Variants in ADAMTS3 observed in about 807,000 individuals in gnomAD.
The protein encoded by ADAMTS3 is A disintegrin and metalloproteinase with thrombospondin motifs 3.
A neutral mutation model predicts 129.0 loss-of-function variants in ADAMTS3; 73 were observed. The observed-to-expected ratio is 0.57, with a 90% CI of 0.47 to 0.69. ADAMTS3 has a LOEUF of 0.69. Ranked by LOEUF, ADAMTS3 falls within the 30% of genes least tolerant of loss-of-function variation. The pLI, the probability that ADAMTS3 is intolerant of heterozygous loss-of-function variation, is 0.00. For missense variants in ADAMTS3, 1,457 were observed against 1,514.5 expected (o/e 0.96, Z 0.63); for synonymous variants, 477 against 510.8 (o/e 0.93, Z 0.89).
At chr4:72,526,358 G>T (rs1279687205) in intron 3 of ADAMTS3, among the ~76,000 whole-genome samples, 2 of 151,852 alleles carry the variant, frequency 1.3e-5, no homozygotes, top group Admixed American at 6.6e-5. Flanking sequence ...CTAAAGTTAG[G>T]GTACCCAAAT....
At position 72,283,088 on chromosome 4, in the gene ADAMTS3, A is replaced by T. The variant is rs944343411; in HGVS notation, c.*48T>A. 6.8e-7 allele frequency: 1 copy of T among 1,471,366 alleles called. No homozygotes were observed. The highest frequency in any genetic ancestry group is 9.3e-7 in the Non-Finnish European group (1 of 1,079,102). The allele number at this position is 1,471,366 out of a possible 1,614,324, so 91.1% of individuals were successfully genotyped here. ...AAGCATATGCACCATGGGAAGAGAGAGGTTGTCCAGGTTTTCCTCTGGTTT... is the reference window on the plus strand; with the variant it reads ...AAGCATATGCACCATGGGAAGAGAGTGGTTGTCCAGGTTTTCCTCTGGTTT... On this transcript the variant is annotated 3_prime_UTR_variant, in exon 22 of 22. Transcript: ENST00000286657.
chr4:72,428,112 T>C (rs1489188856), intron 3 of ADAMTS3, among the ~76,000 whole-genome samples: 1 of 151,916 alleles, frequency 6.6e-6, no homozygotes, highest in Non-Finnish European at 1.5e-5. Flanking sequence ...GGGGAAAGGA[T>C]GGGGACACAA....
At chr4:72,530,460 TA>T (rs1368433208) in intron 3 of ADAMTS3, among the ~76,000 whole-genome samples, 5 of 31,582 alleles carry the variant, frequency 1.6e-4, no homozygotes, top group Non-Finnish European at 2.0e-4. Context: ...TATTATATAT[TA>T]AATATATTAA....
At chr4:72,361,675 G>A (rs1390510560) in intron 4 of ADAMTS3, among the ~76,000 whole-genome samples, 2 of 151,894 alleles carry the variant, frequency 1.3e-5, no homozygotes, top group Admixed American at 1.3e-4. Flanking sequence ...TTCCAATCCT[G>A]CAACTTTAGT....
At chr4:72,318,452 A>G (rs1000023468) in intron 10 of ADAMTS3, 120 bp downstream of exon 10, 9 of 1,069,716 alleles carry the variant, frequency 8.4e-6, no homozygotes, top group Non-Finnish European at 1.2e-5. Context: ...AACACAATGA[A>G]CACAAAATAA....
chr4:72,422,971 G>A (rs1266795934), intron 3 of ADAMTS3, among the ~76,000 whole-genome samples: 1 of 152,092 alleles, frequency 6.6e-6, no homozygotes, highest in Non-Finnish European at 1.5e-5. Context: ...ACAAAAATTA[G>A]TCTAAGTGAC....
At chr4:72,533,554 T>TA (rs1462961366) in intron 3 of ADAMTS3, among the ~76,000 whole-genome samples, 1 of 152,134 alleles carries the variant, frequency 6.6e-6, no homozygotes, top group Non-Finnish European at 1.5e-5. Flanking sequence ...TTGCAGGTGC[T>TA]ATACTTTTGA....
chr4:72,297,801 T>C (rs1718846405), intron 18 of ADAMTS3, among the ~76,000 whole-genome samples: 1 of 152,146 alleles, frequency 6.6e-6, no homozygotes, highest in South Asian at 2.1e-4. Context: ...ATTGTGAGTA[T>C]TCATGCATTG....
chr4:72,338,339 C>T (rs1720042760), intron 5 of ADAMTS3, among the ~76,000 whole-genome samples: 3 of 152,042 alleles, frequency 2.0e-5, no homozygotes, highest in Admixed American at 2.0e-4. Context: ...ATTGCCAAGG[C>T]TAGTAATTTG....
At chr4:72,399,776 C>T (rs1227081120) in intron 4 of ADAMTS3, among the ~76,000 whole-genome samples, 4 of 149,662 alleles carry the variant, frequency 2.7e-5, no homozygotes, top group South Asian at 2.1e-4. Flanking sequence ...TATACACACA[C>T]GGTGTGTACG....
intron 4 of ADAMTS3, among the ~76,000 whole-genome samples, chr4:72,371,499 T>C (rs1721004348): frequency 6.6e-6 from 1 of 151,602 alleles, no homozygotes; most frequent in South Asian, 2.1e-4. Flanking sequence ...TATAACAATA[T>C]TAGATAAGCT....
intron 5 of ADAMTS3, among the ~76,000 whole-genome samples, chr4:72,334,484 T>C (rs1719939871): frequency 6.6e-6 from 1 of 152,150 alleles, no homozygotes; most frequent in African/African-American, 2.4e-5. Flanking sequence ...AGAGGACTGC[T>C]CCTGTTGAGG....
At position 72,549,978 on chromosome 4, in the gene ADAMTS3, A is replaced by G. The variant is rs1359375111; in HGVS notation, c.98-1094T>C. Reference sequence around the variant, plus strand: ...AAAAAAAAAAAAGAAGAAGAAGAAGAAGAAGAAGAAGAAGAGGAAGAGGAA... The same window carrying G: ...AAAAAAAAAAAAGAAGAAGAAGAAGGAGAAGAAGAAGAAGAGGAAGAGGAA... On this transcript the variant is annotated intron_variant, in intron 2 of 21. Coordinates refer to ENST00000286657, the MANE Select transcript of ADAMTS3 (RefSeq NM_014243.3). Among the ~76,000 whole-genome samples, 4 of 29,264 alleles carry G rather than the reference A, an allele frequency of 1.4e-4. No homozygotes were observed. In the East Asian group the frequency reaches 2.4e-3, roughly 18 times the overall value. 19.2% of individuals were successfully genotyped at this position (29,264 alleles called of 152,430 possible). A position where few individuals can be genotyped will look rare whatever the true frequency, so the allele number is the denominator to read the frequency against.
chr4:72,514,575 C>G lies in ADAMTS3; in HGVS notation c.504+33903G>C, dbSNP rs1293155854. 2.0e-5 allele frequency among the ~76,000 whole-genome samples: 3 copies of G among 152,102 alleles called. No individual in the cohort carries two copies. In the East Asian group the frequency reaches 5.8e-4, roughly 29 times the overall value. Reference sequence around the variant, plus strand: ...CTCTGAGCTCACTCAGCCCATCTACCAGCTTTGCCACGTACCTGCCTATTC... The same window carrying G: ...CTCTGAGCTCACTCAGCCCATCTACGAGCTTTGCCACGTACCTGCCTATTC... On this transcript the variant is annotated intron_variant, in intron 3 of 21. Transcript: ENST00000286657.
rs767601597 is a variant in ADAMTS3 at position 72,309,443 on chromosome 4, G to A, written c.2133C>T (p.His711=). The A allele has an allele frequency of 6.2e-7, 1 of 1,612,230 alleles. No individual in the cohort carries two copies. The highest frequency in any genetic ancestry group is 2.2e-5 in the East Asian group (1 of 44,782). Residue 711 remains histidine (H), a synonymous_variant, in exon 15 of 22, where the codon CAC becomes CAT. Transcript: ENST00000286657. Reference sequence around the variant, plus strand: ...TAAATGTCCCCTTCACGGTTCGGCAGTGGGAATTATCTCCTCCACAGACAC... The same window carrying A: ...TAAATGTCCCCTTCACGGTTCGGCAATGGGAATTATCTCCTCCACAGACAC... ...KCGVCGGDNS[H]CRTVKGTFTR...
intron 3 of ADAMTS3, among the ~76,000 whole-genome samples, chr4:72,482,246 G>T (rs1268909933): frequency 6.6e-6 from 1 of 151,900 alleles, no homozygotes; most frequent in Non-Finnish European, 1.5e-5. Context: ...CCAAAAATTG[G>T]AAACAACCTG....
Position 72,312,285 on chromosome 4 carries a change from A to G in ADAMTS3, c.1921+6T>C. 6.2e-7 allele frequency: 1 copy of G among 1,613,334 alleles called. No homozygotes were observed. The highest frequency in any genetic ancestry group is 1.3e-5 in the African/African-American group (1 of 74,986). On this transcript the variant is annotated splice_donor_region_variant and intron_variant, in intron 13 of 21. Coordinates refer to ENST00000286657, the MANE Select transcript of ADAMTS3 (RefSeq NM_014243.3). ...ACAGCAGGAAGGAGAGCACGAGGCT[A>G]CTCACGGTCAGGATGTTCATATGGC...
intron 3 of ADAMTS3, among the ~76,000 whole-genome samples, chr4:72,423,135 G>T (rs2109936081): frequency 6.6e-6 from 1 of 152,266 alleles, no homozygotes; most frequent in South Asian, 2.1e-4. Flanking sequence ...TAAGGAAAGA[G>T]AATAGAGATG....
At chr4:72,499,539 C>T (rs1228852978) in intron 3 of ADAMTS3, among the ~76,000 whole-genome samples, 7 of 152,156 alleles carry the variant, frequency 4.6e-5, no homozygotes, top group Non-Finnish European at 1.0e-4. Flanking sequence ...CTATATTACA[C>T]CGACCTATGT....
Sources: allele counts gnomAD v4.1 joint callset (sites outside exome capture counted in the v4.1 genomes callset), GRCh38; gene constraint gnomAD v4.1.1; transcripts MANE v1.5; gene names NCBI Gene and HGNC (gene_info 2026-07-23, HGNC 2026-07-21).